Variants in FCRL5 observed in about 807,000 individuals in gnomAD.
FCRL5 encodes the protein Fc receptor-like protein 5.
A neutral mutation model predicts 92.1 loss-of-function variants in FCRL5; 79 were observed. The observed-to-expected ratio is 0.86, with a 90% CI of 0.72 to 1.03. The LOEUF is 1.03. FCRL5 is among the 50% of genes least tolerant of loss of function. FCRL5 has a pLI of 0.00. For missense variants in FCRL5, 1,160 were observed against 1,181.1 expected (o/e 0.98, Z 0.26); for synonymous variants, 466 against 469.3 (o/e 0.99, Z 0.09).
chr1:157,524,334 C>T lies in FCRL5; in HGVS notation c.2184G>A (p.Glu728=), dbSNP rs760413576. The change falls in exon 10 of 17, where the codon GAG becomes GAA. Residue 728 remains glutamate, a synonymous_variant. Transcript: ENST00000361835. ...GCTGGGCCTCCAGACCATTGTCTGC[C>T]TCACAGGAGTAGATTCCAGAATGTT... ...TTEHSGIYSC[E]ADNGLEAQRS... is the part of the protein sequence containing the mutation. 1.2e-6 allele frequency: 2 copies of T among 1,614,268 alleles called. No homozygotes were observed. Among genetic ancestry groups the T allele is most frequent in the South Asian group, 1.1e-5 (1 of 91,086 alleles).
chr1:157,521,096 C>T lies in FCRL5; in HGVS notation c.2436G>A (p.Glu812=), dbSNP rs74661163. The part of the protein sequence containing the change: ...GASLNLSLTA[E]HSGNYSCEAD... The stretch of plus-strand genomic sequence containing the variant: ...CCTCACAGGAGTAGTTTCCAGAGTG[C>T]TCTGCAGTCAGAGAGAGGTTTAAGG... The change falls in exon 11 of 17, where the codon GAG becomes GAA. Residue 812 remains glutamate, a synonymous_variant. Transcript: ENST00000361835. The T allele has an allele frequency of 1.6e-3, 2,611 of 1,614,184 alleles. 73 individuals are homozygous for T. In the East Asian group the frequency reaches 0.047, roughly 29 times the overall value.
intron 14 of FCRL5, 86 bp from the exon 15 acceptor site, chr1:157,518,583 T>A: frequency 6.8e-7 from 1 of 1,475,676 alleles, no homozygotes; most frequent in Non-Finnish European, 9.5e-7. Context: ...CAGAGTCTCT[T>A]TTCTGGAAGG....
intron 11 of FCRL5, 51 bp from the exon 12 acceptor site, chr1:157,520,598 C>G (rs752765065): frequency 7.0e-7 from 1 of 1,422,786 alleles, no homozygotes. Context: ...TGGTCTGGAA[C>G]TGCCCGCTCC....
intron 3 of FCRL5, among the ~76,000 whole-genome samples, chr1:157,545,454 C>A (rs1651486575): frequency 6.7e-6 from 1 of 150,214 alleles, no homozygotes. Context: ...TCATTAGTAT[C>A]ATTATTGAAC....
At chr1:157,528,472 T>G (rs1355915255) in intron 8 of FCRL5, 3 of 151,910 alleles carry the variant, frequency 2.0e-5, no homozygotes, top group African/African-American at 7.3e-5. Flanking sequence ...ATCCTAATAT[T>G]CATATGGAAC....
intron 10 of FCRL5, among the ~76,000 whole-genome samples, chr1:157,523,287 A>T (rs1225509112): frequency 1.3e-5 from 2 of 152,210 alleles, no homozygotes; most frequent in South Asian, 4.1e-4. Flanking sequence ...GGGCAGGTAC[A>T]ACCTGCTTTT....
rs1454040217 is a variant in FCRL5, at chr1:157,524,393, C to T, written c.2125G>A (p.Gly709Arg). The change falls in exon 10 of 17, where the codon GGA becomes AGA. Residue 709 changes from glycine (G) to arginine (R), a missense_variant. Coordinates refer to ENST00000361835, the MANE Select transcript of FCRL5 (RefSeq NM_031281.3). Reference protein sequence around the residue: ...TLGKISAPSGGGASFNLSLTT... With the variant: ...TLGKISAPSGRGASFNLSLTT... ...AGAGAGAGGTTGAAGGAGGCCCCTC[C>T]TCCAGAGGGGGCTGAGATCTTACCC... The T allele has an allele frequency of 6.2e-7, 1 of 1,614,072 alleles. No homozygotes were observed. Among genetic ancestry groups the T allele is most frequent in the African/African-American group, 1.3e-5 (1 of 74,946 alleles).
Position 157,547,070 on chromosome 1 carries a change from C to A in FCRL5, c.180G>T (p.Arg60=), listed in dbSNP as rs1248051421. ...CTCTTAGTATTTCTTTCCCAAGGTA[C>A]CGATGGTACCATTTTGTTTTCTGTG... ...YSPQKTKWYH[R]YLGKEILRET... is the part of the protein sequence containing the mutation. Residue 60 remains arginine (R), a synonymous_variant, in exon 3 of 17, where the codon CGG becomes CGT. Transcript: ENST00000361835. The A allele has an allele frequency of 6.2e-7, 1 of 1,614,170 alleles. No homozygotes were observed. The highest frequency in any genetic ancestry group is 8.5e-7 in the Non-Finnish European group (1 of 1,180,044).
At chr1:157,529,694 A>G (rs898395191) in intron 8 of FCRL5, among the ~76,000 whole-genome samples, 1 of 152,226 alleles carries the variant, frequency 6.6e-6, no homozygotes, top group Non-Finnish European at 1.5e-5. Flanking sequence ...GTTGGAGACC[A>G]TTATTCTAAG....
chr1:157,539,002 G>C (rs776481469), intron 7 of FCRL5, 84 bp downstream of exon 7: 67 of 1,408,598 alleles, frequency 4.8e-5, no homozygotes, highest in Non-Finnish European at 6.3e-5. Flanking sequence ...GAGGATACTA[G>C]AAGGTACACG....
At position 157,513,508 on chromosome 1, in the gene FCRL5, GCAAGCTCAAGACC is replaced by G. The variant is rs1649801893; in HGVS notation, c.*2154_*2166del. ...ATAGTTTCTTTCAGTCCATATGCCA[GCAAGCTCAAGACC>G]CAAGAAGAGCCATTTTTCAGTTTGC... is the stretch of plus-strand genomic sequence containing the variant. On this transcript the variant is annotated 3_prime_UTR_variant, in exon 17 of 17. Transcript: ENST00000361835. 1 of 152,178 alleles carries G rather than the reference GCAAGCTCAAGACC, an allele frequency of 6.6e-6. No individual in the cohort carries two copies. The highest frequency in any genetic ancestry group is 2.1e-4 in the South Asian group (1 of 4,824). The allele number at this position is 152,178 out of a possible 1,614,324, so 9.4% of individuals were successfully genotyped here. A position where few individuals can be genotyped will look rare whatever the true frequency, so the allele number is the denominator to read the frequency against.
intron 9 of FCRL5, among the ~76,000 whole-genome samples, chr1:157,527,377 G>A (rs541802362): frequency 2.0e-5 from 3 of 152,300 alleles, no homozygotes; most frequent in Admixed American, 2.0e-4. Context: ...CCTATGTTAG[G>A]GGAATTTTGG....
intron 12 of FCRL5, 150 bp downstream of exon 12, chr1:157,520,281 G>A: frequency 3.2e-6 from 2 of 628,040 alleles, no homozygotes; most frequent in Non-Finnish European, 2.8e-6. Context: ...AAAGCAATTC[G>A]GGAGGACCCA....
Position 157,543,079 on chromosome 1 carries a change from T to C in FCRL5, c.903A>G (p.Gly301=). 6.2e-7 allele frequency: 1 copy of C among 1,614,236 alleles called. No individual in the cohort carries two copies. ...TTTCACAGTGAAGTGTCACCTTGGT[T>C]CCCTCAAAATTCAGAGCCTTTTCAG... ...LSPEKALNFE[G]TKVTLHCETQ... is the part of the protein sequence containing the mutation. Residue 301 remains glycine, a synonymous_variant, in exon 6 of 17, where the codon GGA becomes GGG. Coordinates refer to ENST00000361835, the MANE Select transcript of FCRL5 (RefSeq NM_031281.3).
chr1:157,514,746 C>G lies in FCRL5; in HGVS notation c.*929G>C, dbSNP rs1461436409. ...CATGAAAGTGTGAGAAGCCCTTCCT[C>G]TTGCTGAACAGTTTCCTCATCCAAG... is the stretch of plus-strand genomic sequence containing the variant. On this transcript the variant is annotated 3_prime_UTR_variant, in exon 17 of 17. Transcript: ENST00000361835. 1 of 152,340 alleles carries G rather than the reference C, an allele frequency of 6.6e-6. No homozygotes were observed. Among genetic ancestry groups the G allele is most frequent in the Non-Finnish European group, 1.5e-5 (1 of 68,108 alleles). The allele number at this position is 152,340 out of a possible 1,614,324, so 9.4% of individuals were successfully genotyped here. A position where few individuals can be genotyped will look rare whatever the true frequency, so the allele number is the denominator to read the frequency against.
At chr1:157,540,877 A>G (rs1651228812) in intron 6 of FCRL5, among the ~76,000 whole-genome samples, 1 of 152,058 alleles carries the variant, frequency 6.6e-6, no homozygotes, top group Non-Finnish European at 1.5e-5. Flanking sequence ...ATATAGAGAG[A>G]CTCTAATTTA....
chr1:157,518,334 A>C lies in FCRL5; in HGVS notation c.2812+95T>G, dbSNP rs532915305. 7 of 1,088,786 alleles carry C rather than the reference A, an allele frequency of 6.4e-6. No homozygotes were observed. In the African/African-American group the frequency reaches 9.3e-5, roughly 15 times the overall value. The allele number at this position is 1,088,786 out of a possible 1,614,324, so 67.4% of individuals were successfully genotyped here. Reference sequence around the variant, plus strand: ...ATGACCCAGTGGGAGGGGCGGCTCTATGCCTGTCTGGCTCAGATCTGCTGA... The same window carrying C: ...ATGACCCAGTGGGAGGGGCGGCTCTCTGCCTGTCTGGCTCAGATCTGCTGA... On this transcript the variant is annotated intron_variant, in intron 15 of 16. Transcript: ENST00000361835.
At chr1:157,544,687 C>T (rs1651445509) in intron 4 of FCRL5, 141 bp from the exon 5 acceptor site, 2 of 1,419,744 alleles carry the variant, frequency 1.4e-6, no homozygotes, top group Non-Finnish European at 1.9e-6. Context: ...GCCCAAAACA[C>T]TACTATACTT....
At chr1:157,526,208 T>C (rs1218823281) in intron 9 of FCRL5, among the ~76,000 whole-genome samples, 8 of 151,994 alleles carry the variant, frequency 5.3e-5, no homozygotes, top group Admixed American at 5.2e-4. Context: ...AAGGAAGAAA[T>C]GGTAAACAAC....
Sources: allele counts gnomAD v4.1 joint callset (sites outside exome capture counted in the v4.1 genomes callset), GRCh38; gene constraint gnomAD v4.1.1; transcripts MANE v1.5; gene names NCBI Gene and HGNC (gene_info 2026-07-23, HGNC 2026-07-21).